ZCCHC7: variants seen among roughly 807,000 people sequenced by gnomAD.
ZCCHC7 encodes zinc finger CCHC domain-containing protein 7.
Under a neutral mutation model 52.0 loss-of-function variants are expected in ZCCHC7, and 35 were observed. That is an observed-to-expected ratio of 0.67 (90% CI 0.51 to 0.89). The LOEUF is 0.89. Among genes scored for constraint, ZCCHC7 ranks in the 40% least tolerant of loss-of-function variants. The pLI is 0.00. For synonymous variants in ZCCHC7, 217 were observed against 221.5 expected, an observed-to-expected ratio of 0.98 and a Z score of 0.18; for missense variants, 574 against 649.1, an observed-to-expected ratio of 0.88 and a Z score of 1.26.
At chr9:37,293,779 A>G (rs1404344853) in intron 2 of ZCCHC7, among the ~76,000 whole-genome samples, 2 of 152,086 alleles carry the variant, frequency 1.3e-5, no homozygotes, top group Non-Finnish European at 2.9e-5. Context: ...GACAGAGGTA[A>G]TGGGAGATGA....
intron 2 of ZCCHC7, among the ~76,000 whole-genome samples, chr9:37,228,250 C>A (rs1825217855): frequency 6.6e-6 from 1 of 152,096 alleles, no homozygotes; most frequent in Admixed American, 6.5e-5. Context: ...TATGAAAAAG[C>A]ATGAAGGAAC....
At chr9:37,342,629 G>A (rs555878434) in intron 6 of ZCCHC7, among the ~76,000 whole-genome samples, 13 of 152,294 alleles carry the variant, frequency 8.5e-5, no homozygotes, top group South Asian at 4.1e-4. Flanking sequence ...CTAGGAGAGC[G>A]TGTTGTCTGG....
At chr9:37,127,382 G>A (rs1842588515) in intron 2 of ZCCHC7, among the ~76,000 whole-genome samples, 1 of 152,158 alleles carries the variant, frequency 6.6e-6, no homozygotes, top group Non-Finnish European at 1.5e-5. Context: ...CATAGGGAAT[G>A]TCTGGCACAC....
chr9:37,237,765 C>T (rs1483226834), intron 2 of ZCCHC7, among the ~76,000 whole-genome samples: 1 of 152,158 alleles, frequency 6.6e-6, no homozygotes, highest in Non-Finnish European at 1.5e-5. Flanking sequence ...CAATCAGTTT[C>T]TCCTCAGGAA....
chr9:37,232,847 AT>A (rs945201147), intron 2 of ZCCHC7, among the ~76,000 whole-genome samples: 4 of 151,988 alleles, frequency 2.6e-5, no homozygotes, highest in Non-Finnish European at 5.9e-5. Flanking sequence ...GTGTAAATAT[AT>A]TTTTTTATAA....
intron 2 of ZCCHC7, among the ~76,000 whole-genome samples, chr9:37,209,042 C>T (rs1041336855): frequency 4.6e-5 from 7 of 151,642 alleles, no homozygotes; most frequent in Admixed American, 2.0e-4. Flanking sequence ...AAAATACAAC[C>T]GCAATTTTTT....
chr9:37,157,474 A>G (rs931282455), intron 2 of ZCCHC7, among the ~76,000 whole-genome samples: 3 of 152,182 alleles, frequency 2.0e-5, no homozygotes, highest in African/African-American at 7.2e-5. Context: ...CCTGGGTGAC[A>G]GAGTGAGACC....
chr9:37,122,702 G>T (rs1433043492), intron 1 of ZCCHC7, among the ~76,000 whole-genome samples: 1 of 152,250 alleles, frequency 6.6e-6, no homozygotes, highest in African/African-American at 2.4e-5. Context: ...CACTTTGGGA[G>T]TCCGAGTGGG....
intron 2 of ZCCHC7, among the ~76,000 whole-genome samples, chr9:37,173,382 C>T (rs1449464051): frequency 6.6e-6 from 1 of 152,190 alleles, no homozygotes. Flanking sequence ...GTTCATATAG[C>T]ATTTTATCTT....
intron 2 of ZCCHC7, among the ~76,000 whole-genome samples, chr9:37,190,521 T>A (rs79920580): frequency 8.5e-4 from 129 of 152,354 alleles, no homozygotes; most frequent in Non-Finnish European, 1.7e-3. Flanking sequence ...CCAGTCTGCC[T>A]TAACTAGCTG....
intron 2 of ZCCHC7, among the ~76,000 whole-genome samples, chr9:37,274,574 A>G (rs1287324196): frequency 2.0e-5 from 3 of 151,802 alleles, no homozygotes; most frequent in Non-Finnish European, 4.4e-5. Flanking sequence ...CCTGACCTCA[A>G]GTGATCTGCC....
intron 5 of ZCCHC7, among the ~76,000 whole-genome samples, chr9:37,311,726 T>C (rs1829612059): frequency 6.6e-6 from 1 of 152,178 alleles, no homozygotes; most frequent in Admixed American, 6.6e-5. Flanking sequence ...ACTTTTTTGA[T>C]GCTAGAAAAA....
rs145096775 is a variant in ZCCHC7 at position 37,158,676 on chromosome 9, A to G, written c.610+31734A>G. ...TGGTGGATTGACTTTTTTTTTTAAC[A>G]AAGATATGTGTATTATATATAAAAT... On this transcript the variant is annotated intron_variant, in intron 2 of 8. Transcript: ENST00000336755. 4.4e-3 allele frequency among the ~76,000 whole-genome samples: 675 copies of G among 152,130 alleles called. 4 individuals are homozygous for G. Among genetic ancestry groups the G allele is most frequent in the Middle Eastern group, 6.8e-3 (2 of 294 alleles).
intron 2 of ZCCHC7, among the ~76,000 whole-genome samples, chr9:37,265,103 A>C (rs1351140035): frequency 6.6e-6 from 1 of 152,202 alleles, no homozygotes; most frequent in Non-Finnish European, 1.5e-5. Flanking sequence ...TCCATTTAGC[A>C]ATTATGAATC....
chr9:37,330,446 A>T (rs2118231333), intron 6 of ZCCHC7, among the ~76,000 whole-genome samples: 1 of 151,756 alleles, frequency 6.6e-6, no homozygotes, highest in East Asian at 1.9e-4. Flanking sequence ...ATACACAAAC[A>T]TCCATATTAT....
chr9:37,258,290 T>C (rs990417948), intron 2 of ZCCHC7, among the ~76,000 whole-genome samples: 6 of 152,126 alleles, frequency 3.9e-5, no homozygotes, highest in African/African-American at 1.4e-4. Context: ...ATGAGTTGCT[T>C]TAAAGAGAAC....
chr9:37,136,767 G>A (rs548853427), intron 2 of ZCCHC7, among the ~76,000 whole-genome samples: 1 of 152,066 alleles, frequency 6.6e-6, no homozygotes, highest in South Asian at 2.1e-4. Context: ...GTGAGTCACC[G>A]CCCTGGCCCC....
intron 2 of ZCCHC7, among the ~76,000 whole-genome samples, chr9:37,144,259 C>T (rs1230456993): frequency 1.3e-5 from 2 of 151,762 alleles, no homozygotes; most frequent in Non-Finnish European, 3.0e-5. Flanking sequence ...TATAGTAAAT[C>T]CATATCCATA....
intron 2 of ZCCHC7, among the ~76,000 whole-genome samples, chr9:37,201,993 T>C (rs1391885478): frequency 6.6e-6 from 1 of 152,220 alleles, no homozygotes. Context: ...AGAGTAGAAA[T>C]AGAGCTTCTA....
Sources: gnomAD v4.1 joint callset for allele counts (sites outside exome capture counted in the v4.1 genomes callset) on GRCh38, gnomAD v4.1.1 for gene constraint, MANE v1.5 for transcripts, NCBI Gene and HGNC (gene_info 2026-07-23, HGNC 2026-07-21) for gene names.